The following LEKR1 variants were observed in gnomAD, a reference collection of about 807,000 sequenced individuals.
LEKR1 encodes the protein leucine, glutamate and lysine rich 1.
Under a neutral mutation model 72.4 loss-of-function variants are expected in LEKR1, and 59 were observed. The observed-to-expected ratio is 0.82, with a 90% confidence interval of 0.66 to 1.01. The LOEUF (loss-of-function observed/expected upper bound fraction) is 1.01. Ranked by LOEUF, LEKR1 falls within the 50% of genes least tolerant of loss-of-function variation. The probability of loss-of-function intolerance (pLI) is 0.00; values close to 1 mark genes in which losing one functional copy is unlikely to be tolerated. For missense variants in LEKR1, 728 were observed against 759.2 expected (o/e 0.96, Z 0.48); for synonymous variants, 257 against 263.2 (o/e 0.98, Z 0.23).
chr3:156,865,017 T>C (rs1480128689), intron 3 of LEKR1, among the ~76,000 whole-genome samples: 1 of 152,070 alleles, frequency 6.6e-6, no homozygotes, highest in Non-Finnish European at 1.5e-5. Context: ...CTTGCACTTC[T>C]AACATTTCTT....
At chr3:156,991,966 T>C (rs1731173275) in intron 7 of LEKR1, among the ~76,000 whole-genome samples, 1 of 152,206 alleles carries the variant, frequency 6.6e-6, no homozygotes, top group South Asian at 2.1e-4. Flanking sequence ...GTTGTTATTG[T>C]TGAGAGTGGT....
At chr3:156,868,631 T>C (rs1469893003) in intron 3 of LEKR1, among the ~76,000 whole-genome samples, 1 of 152,040 alleles carries the variant, frequency 6.6e-6, no homozygotes, top group African/African-American at 2.4e-5. Context: ...GTCACGGTAT[T>C]TGTGGTATCC....
rs952809353 is a variant in LEKR1 at position 156,949,197 on chromosome 3, G to A, written c.745+6483G>A. 2.6e-5 allele frequency among the ~76,000 whole-genome samples: 4 copies of A among 151,512 alleles called. No individual in the cohort carries two copies. In the South Asian group the frequency reaches 8.3e-4, roughly 31 times the overall value. On this transcript the variant is annotated intron_variant, in intron 6 of 12. Coordinates refer to ENST00000356539, the MANE Select transcript of LEKR1 (RefSeq NM_001004316.3). ...CTATTTGTCAGTTTTTGCCTTTGTT[G>A]CAATTGCTTATGGTGTCTTTGTTAC... is the stretch of plus-strand genomic sequence containing the variant.
intron 3 of LEKR1, among the ~76,000 whole-genome samples, chr3:156,876,869 G>T (rs1718660448): frequency 6.6e-6 from 1 of 152,160 alleles, no homozygotes. Flanking sequence ...TTGAATAGAA[G>T]TGATGAAAGT....
chr3:156,926,044 G>A (rs1724689063), intron 4 of LEKR1, among the ~76,000 whole-genome samples: 2 of 152,084 alleles, frequency 1.3e-5, no homozygotes, highest in East Asian at 1.9e-4. Context: ...TTACATCAAA[G>A]CAAATTTATT....
At chr3:156,901,707 G>A (rs1003843848) in intron 3 of LEKR1, among the ~76,000 whole-genome samples, 24 of 151,730 alleles carry the variant, frequency 1.6e-4, no homozygotes, top group African/African-American at 7.3e-5. Context: ...TTTGTTTTGA[G>A]ACGGAGTCTC....
chr3:156,942,472 A>G (rs1345947897), intron 5 of LEKR1, 57 bp from the exon 6 acceptor site: 1 of 547,566 alleles, frequency 1.8e-6, no homozygotes, highest in East Asian at 1.1e-4. Context: ...CAATCTTTAG[A>G]GAAATGTTTT....
intron 5 of LEKR1, among the ~76,000 whole-genome samples, chr3:156,941,199 T>C (rs4315647): frequency 0.84 from 128,188 of 151,938 alleles, 54,246 homozygotes; most frequent in African/African-American, 0.91. Flanking sequence ...TTATTTGGTT[T>C]CTGCAATTTA....
At chr3:157,011,676 A>G (rs1732897877) in intron 10 of LEKR1, among the ~76,000 whole-genome samples, 170 bp downstream of exon 10, 1 of 152,160 alleles carries the variant, frequency 6.6e-6, no homozygotes, top group African/African-American at 2.4e-5. Context: ...TTTCCAAAAT[A>G]TTAGACAACA....
intron 3 of LEKR1, among the ~76,000 whole-genome samples, chr3:156,895,294 C>T (rs1428910595): frequency 2.6e-5 from 4 of 152,202 alleles, no homozygotes; most frequent in Admixed American, 2.6e-4. Flanking sequence ...AGCTCAACAT[C>T]ACTGATCATT....
chr3:156,870,494 A>G (rs950465939), intron 3 of LEKR1, among the ~76,000 whole-genome samples: 1 of 152,032 alleles, frequency 6.6e-6, no homozygotes, highest in Non-Finnish European at 1.5e-5. Context: ...CAGCTAATCC[A>G]TTATTGGTAT....
chr3:156,848,211 A>T (rs1714867350), intron 2 of LEKR1, among the ~76,000 whole-genome samples: 1 of 152,188 alleles, frequency 6.6e-6, no homozygotes, highest in African/African-American at 2.4e-5. Context: ...ACATGGATGA[A>T]TTATATTTCT....
At chr3:156,938,697 G>T (rs1303346611) in intron 5 of LEKR1, among the ~76,000 whole-genome samples, 1 of 152,092 alleles carries the variant, frequency 6.6e-6, no homozygotes, top group African/African-American at 2.4e-5. Context: ...AATAAATTGT[G>T]TAGTTTTTTT....
intron 5 of LEKR1, among the ~76,000 whole-genome samples, chr3:156,936,462 CA>C (rs1725717767): frequency 8.4e-6 from 1 of 118,862 alleles, no homozygotes; most frequent in Non-Finnish European, 1.9e-5. Flanking sequence ...CACACACACA[CA>C]CACCCCCCGT....
chr3:156,855,694 C>G (rs578136770), intron 3 of LEKR1, among the ~76,000 whole-genome samples: 1 of 151,904 alleles, frequency 6.6e-6, no homozygotes, highest in Non-Finnish European at 1.5e-5. Flanking sequence ...TTATCTGACA[C>G]GAACCTAAAC....
At chr3:156,877,865 C>T (rs1279361072) in intron 3 of LEKR1, among the ~76,000 whole-genome samples, 1 of 152,256 alleles carries the variant, frequency 6.6e-6, no homozygotes, top group East Asian at 1.9e-4. Context: ...TCACTGCAAC[C>T]TCCGCCTCCT....
chr3:156,909,262 A>G (rs1430320559), intron 3 of LEKR1, among the ~76,000 whole-genome samples: 1 of 152,218 alleles, frequency 6.6e-6, no homozygotes, highest in Non-Finnish European at 1.5e-5. Flanking sequence ...ATGGACTAAT[A>G]CAGTACTTTT....
chr3:156,864,949 T>C (rs1253600682), intron 3 of LEKR1, among the ~76,000 whole-genome samples: 1 of 152,080 alleles, frequency 6.6e-6, no homozygotes, highest in African/African-American at 2.4e-5. Context: ...TTCCAGTTGC[T>C]TTTATTCAGC....
chr3:156,888,984 T>G (rs1720384769), intron 3 of LEKR1, among the ~76,000 whole-genome samples: 1 of 152,216 alleles, frequency 6.6e-6, no homozygotes, highest in Non-Finnish European at 1.5e-5. Context: ...ATAGATTTCT[T>G]TATTAATAAT....
Sources: allele counts gnomAD v4.1 joint callset (sites outside exome capture counted in the v4.1 genomes callset), GRCh38; gene constraint gnomAD v4.1.1; transcripts MANE v1.5; gene names NCBI Gene and HGNC (gene_info 2026-07-23, HGNC 2026-07-21).